CEP128: variants seen among roughly 807,000 people sequenced by gnomAD.
The protein encoded by CEP128 is centrosomal protein 128, also known as centrosomal protein 128kDa.
In CEP128, 132 loss-of-function variants were observed where a neutral mutation model predicts 156.7. That is an observed-to-expected ratio of 0.84 (90% CI 0.73 to 0.97). The LOEUF (loss-of-function observed/expected upper bound fraction) is 0.97, where lower values mean the gene tolerates loss of function less well. CEP128 is among the 50% of genes least tolerant of loss of function. The pLI, the probability that CEP128 is intolerant of heterozygous loss-of-function variation, is 0.00. For synonymous variants in CEP128, 469 were observed against 448.9 expected, an observed-to-expected ratio of 1.04 and a Z score of -0.57; for missense variants, 1,252 against 1,281.9, an observed-to-expected ratio of 0.98 and a Z score of 0.36.
intron 19 of CEP128, among the ~76,000 whole-genome samples, chr14:80,667,248 G>A (rs1486105136): frequency 6.6e-6 from 1 of 152,188 alleles, no homozygotes; most frequent in African/African-American, 2.4e-5. Flanking sequence ...TGCTGCCTGA[G>A]ACCATGAGGC....
intron 13 of CEP128, chr14:80,830,269 T>G (rs754542068): frequency 1.1e-5 from 7 of 628,844 alleles, no homozygotes; most frequent in Non-Finnish European, 2.0e-5. Context: ...TTAAAAGACA[T>G]TTTCTATTGA....
intron 2 of CEP128, among the ~76,000 whole-genome samples, chr14:80,930,044 C>G (rs556151558): frequency 1.8e-4 from 28 of 152,272 alleles, no homozygotes; most frequent in Non-Finnish European, 2.8e-4. Flanking sequence ...ATTAGATTGT[C>G]CTAGGAGCAC....
intron 9 of CEP128, among the ~76,000 whole-genome samples, chr14:80,859,495 T>C (rs993610553): frequency 1.3e-5 from 2 of 151,622 alleles, no homozygotes; most frequent in Admixed American, 1.3e-4. Flanking sequence ...CATGTATACA[T>C]ATGTAACTAA....
intron 13 of CEP128, among the ~76,000 whole-genome samples, chr14:80,801,689 A>G (rs1883864708): frequency 6.6e-6 from 1 of 151,998 alleles, no homozygotes; most frequent in African/African-American, 2.4e-5. Context: ...CAGGCAGATC[A>G]CAAGGTCAGG....
chr14:80,683,795 A>C (rs1896417433), intron 19 of CEP128, among the ~76,000 whole-genome samples: 1 of 152,168 alleles, frequency 6.6e-6, no homozygotes, highest in Non-Finnish European at 1.5e-5. Context: ...ATAAAAATAG[A>C]AATCAATACA....
chr14:80,879,887 T>C (rs1284252411), intron 8 of CEP128, among the ~76,000 whole-genome samples: 1 of 152,132 alleles, frequency 6.6e-6, no homozygotes, highest in Non-Finnish European at 1.5e-5. Context: ...AATCACGCTG[T>C]CAAAAATCAA....
intron 19 of CEP128, among the ~76,000 whole-genome samples, chr14:80,632,982 T>G (rs1246195287): frequency 6.6e-6 from 1 of 152,094 alleles, no homozygotes; most frequent in Non-Finnish European, 1.5e-5. Flanking sequence ...AATCCAGTAC[T>G]TCGGGAGGCT....
intron 19 of CEP128, among the ~76,000 whole-genome samples, chr14:80,651,503 G>A (rs889089922): frequency 6.6e-6 from 1 of 152,050 alleles, no homozygotes; most frequent in African/African-American, 2.4e-5. Flanking sequence ...TTTTAATTGT[G>A]ATGTTAGGGT....
chr14:80,618,843 C>T (rs1482169423), intron 19 of CEP128, among the ~76,000 whole-genome samples: 1 of 152,186 alleles, frequency 6.6e-6, no homozygotes, highest in Admixed American at 6.5e-5. Context: ...AGATTCTGGT[C>T]CAGCAGACCT....
chr14:80,955,970 G>A, intron 2 of CEP128: 1 of 1,202,828 alleles, frequency 8.3e-7, no homozygotes, highest in Non-Finnish European at 1.2e-6. Context: ...GTGTGTATGT[G>A]TGAGTGAATG....
chr14:80,751,285 A>G (rs2139640378), intron 18 of CEP128, among the ~76,000 whole-genome samples: 1 of 152,292 alleles, frequency 6.6e-6, no homozygotes, highest in African/African-American at 2.4e-5. Flanking sequence ...GATTTTTTTT[A>G]TGAATTGAAT....
chr14:80,890,961 G>A (rs1889071128), intron 8 of CEP128, among the ~76,000 whole-genome samples: 2 of 152,046 alleles, frequency 1.3e-5, no homozygotes, highest in African/African-American at 2.4e-5. Flanking sequence ...CAAGATCAAT[G>A]AGCATCAGAG....
chr14:80,812,449 C>T (rs1884612101), intron 13 of CEP128, among the ~76,000 whole-genome samples: 1 of 152,220 alleles, frequency 6.6e-6, no homozygotes, highest in African/African-American at 2.4e-5. Flanking sequence ...TTAATGGTAG[C>T]TCTGTTCTAA....
intron 19 of CEP128, among the ~76,000 whole-genome samples, chr14:80,676,520 A>G (rs866248252): frequency 6.6e-6 from 1 of 152,150 alleles, no homozygotes; most frequent in African/African-American, 2.4e-5. Flanking sequence ...TGTTTATACC[A>G]TAAATATCTT....
chr14:80,533,709 C>T (rs1004396871), intron 21 of CEP128, among the ~76,000 whole-genome samples: 4 of 152,146 alleles, frequency 2.6e-5, no homozygotes, highest in Admixed American at 1.3e-4. Context: ...AATCTTTATA[C>T]TTCCTCACTA....
chr14:80,803,116 A>G (rs1449641070), intron 13 of CEP128, among the ~76,000 whole-genome samples: 2 of 152,226 alleles, frequency 1.3e-5, no homozygotes, highest in Non-Finnish European at 2.9e-5. Context: ...ATAAGATAGC[A>G]TATTTCTGTG....
At chr14:80,531,754 A>T (rs1889236206) in intron 21 of CEP128, among the ~76,000 whole-genome samples, 1 of 152,192 alleles carries the variant, frequency 6.6e-6, no homozygotes, top group Admixed American at 6.5e-5. Context: ...GTACTGCAAG[A>T]ACCTAGACAT....
intron 10 of CEP128, 46 bp downstream of exon 10, chr14:80,840,636 G>T: frequency 2.5e-6 from 3 of 1,213,168 alleles, no homozygotes; most frequent in South Asian, 1.2e-5. Context: ...AATACCATTG[G>T]CCCCAAACCA....
chr14:80,697,501 T>C (rs1157526981), intron 19 of CEP128, among the ~76,000 whole-genome samples: 4 of 152,104 alleles, frequency 2.6e-5, no homozygotes, highest in African/African-American at 9.6e-5. Flanking sequence ...ATCATTATTA[T>C]TGAAATCACA....
Sources: allele counts gnomAD v4.1 joint callset (sites outside exome capture counted in the v4.1 genomes callset), GRCh38; gene constraint gnomAD v4.1.1; transcripts MANE v1.5; gene names NCBI Gene and HGNC (gene_info 2026-07-23, HGNC 2026-07-21).